The following SREBF2 variants were observed in gnomAD, a reference collection of about 807,000 sequenced individuals.
The protein encoded by SREBF2 is sterol regulatory element binding transcription factor 2.
Under a neutral mutation model 113.1 loss-of-function variants are expected in SREBF2, and 55 were observed. The observed-to-expected ratio is 0.49, with a 90% confidence interval of 0.39 to 0.61. SREBF2 has a LOEUF of 0.61. Among genes scored for constraint, SREBF2 ranks in the 20% least tolerant of loss-of-function variants. The pLI is 0.00. For synonymous variants in SREBF2, 593 were observed against 605.7 expected (o/e 0.98, Z 0.31); for missense variants, 1,349 against 1,487.4 (o/e 0.91, Z 1.53).
chr22:41,880,672 C>G (rs753833467), intron 9 of SREBF2, 44 bp from the exon 10 acceptor site: 35 of 1,613,612 alleles, frequency 2.2e-5, no homozygotes, highest in Non-Finnish European at 2.9e-5. Flanking sequence ...AACAAAAAGC[C>G]GGAGCAAGGC....
At chr22:41,860,630 G>T (rs2148367179) in intron 1 of SREBF2, among the ~76,000 whole-genome samples, 1 of 152,328 alleles carries the variant, frequency 6.6e-6, no homozygotes, top group East Asian at 1.9e-4. Context: ...TGTAATCCCA[G>T]CACTTTGGGA....
chr22:41,899,190 G>C, intron 15 of SREBF2: 1 of 1,127,082 alleles, frequency 8.9e-7, no homozygotes, highest in Non-Finnish European at 1.1e-6. Flanking sequence ...ATGTGCACTG[G>C]AGCATCTTGC....
intron 10 of SREBF2, among the ~76,000 whole-genome samples, chr22:41,882,683 A>G (rs550821668): frequency 6.6e-6 from 1 of 152,302 alleles, no homozygotes; most frequent in East Asian, 1.9e-4. Flanking sequence ...GCACGTGCCT[A>G]TAATCCCAGT....
chr22:41,870,787 A>G, intron 3 of SREBF2, 102 bp from the exon 4 acceptor site: 2 of 1,459,430 alleles, frequency 1.4e-6, no homozygotes, highest in Non-Finnish European at 1.9e-6. Context: ...TAAAAATTAT[A>G]TCATTTCTCA....
At chr22:41,840,430 T>G (rs1407495745) in intron 1 of SREBF2, among the ~76,000 whole-genome samples, 4 of 144,824 alleles carry the variant, frequency 2.8e-5, no homozygotes, top group African/African-American at 8.0e-5. Flanking sequence ...TTGGGGGCAA[T>G]GTTGAAGCTC....
intron 1 of SREBF2, among the ~76,000 whole-genome samples, chr22:41,841,304 G>T (rs1221935100): frequency 6.6e-6 from 1 of 152,236 alleles, no homozygotes; most frequent in Non-Finnish European, 1.5e-5. Flanking sequence ...GGTATGTTTT[G>T]ACACTGGAGT....
chr22:41,870,594 C>G (rs1444694544), intron 3 of SREBF2, among the ~76,000 whole-genome samples: 1 of 146,504 alleles, frequency 6.8e-6, no homozygotes, highest in African/African-American at 2.6e-5. Flanking sequence ...CCACTGCACT[C>G]CAGCCTGGGC....
chr22:41,875,259 C>T (rs2077184008), intron 5 of SREBF2, 78 bp from the exon 6 acceptor site: 1 of 1,232,620 alleles, frequency 8.1e-7, no homozygotes, highest in African/African-American at 1.5e-5. Context: ...TGCTGTCATC[C>T]CAAGTGCTAG....
intron 16 of SREBF2, chr22:41,900,937 C>T (rs1295801226): frequency 1.9e-6 from 1 of 536,016 alleles, no homozygotes; most frequent in South Asian, 1.4e-5. Flanking sequence ...TACCTCCTGG[C>T]GGGCAGCTGT....
intron 9 of SREBF2, chr22:41,878,754 C>T (rs1569397993): frequency 7.7e-7 from 1 of 1,303,966 alleles, no homozygotes; most frequent in Admixed American, 2.3e-5. Context: ...CACTCCTCAG[C>T]AGCAGTGAGC....
rs188401468 is a variant in SREBF2, at chr22:41,880,639, G to T, written c.1762-77G>T. ...CTAATTCCTCTGATAATTGGGGGCA[G>T]GGGGAGTAGAAGTCTATATCAAAAC... On this transcript the variant is annotated intron_variant, in intron 9 of 18. Coordinates refer to ENST00000361204, the MANE Select transcript of SREBF2 (RefSeq NM_004599.4). 38 of 1,571,578 alleles carry T rather than the reference G, an allele frequency of 2.4e-5. No homozygotes were observed. In the East Asian group the frequency reaches 8.5e-4, roughly 35 times the overall value.
At position 41,833,241 on chromosome 22, in the gene SREBF2, G is replaced by A. The variant is rs1410637889; in HGVS notation, c.-30G>A. ...CCCCCGCGTCTCCCTGAGCGGGACGGCAGGGGGGGCTTCTGCGCTGAGCCG... is the reference window on the plus strand; with the variant it reads ...CCCCCGCGTCTCCCTGAGCGGGACGACAGGGGGGGCTTCTGCGCTGAGCCG... On this transcript the variant is annotated 5_prime_UTR_variant, in exon 1 of 19. Transcript: ENST00000361204. This position sits in a 1 kb window ranked among gnomAD's most constrained non-coding sequence, Gnocchi z 4.1. The A allele has an allele frequency of 1.3e-5, 19 of 1,508,500 alleles. No homozygotes were observed. The highest frequency in any genetic ancestry group is 4.2e-5 in the Admixed American group (2 of 47,922). 93.4% of individuals were successfully genotyped at this position (1,508,500 alleles called of 1,614,324 possible). A position where few individuals can be genotyped will look rare whatever the true frequency, so the allele number is the denominator to read the frequency against.
intron 1 of SREBF2, among the ~76,000 whole-genome samples, chr22:41,849,505 T>A (rs1286467898): frequency 6.6e-6 from 1 of 152,136 alleles, no homozygotes; most frequent in African/African-American, 2.4e-5. Flanking sequence ...CAACAGATGT[T>A]TTTACAGAGG....
At chr22:41,894,572 A>G (rs2077394540) in intron 12 of SREBF2, among the ~76,000 whole-genome samples, 1 of 152,112 alleles carries the variant, frequency 6.6e-6, no homozygotes, top group African/African-American at 2.4e-5. Context: ...GCCAGGAGAC[A>G]CAGCACCCTC....
intron 1 of SREBF2, among the ~76,000 whole-genome samples, chr22:41,856,953 G>A (rs1323381037): frequency 6.6e-6 from 1 of 151,766 alleles, no homozygotes; most frequent in Admixed American, 6.6e-5. Flanking sequence ...TGTAATCCCG[G>A]CTACATGGGA....
intron 4 of SREBF2, among the ~76,000 whole-genome samples, chr22:41,871,318 T>A (rs2077138952): frequency 1.3e-5 from 2 of 152,130 alleles, no homozygotes; most frequent in Admixed American, 6.5e-5. Context: ...ATTCACCTCT[T>A]AGATCCTGCT....
chr22:41,857,568 C>G (rs1384059028), intron 1 of SREBF2, among the ~76,000 whole-genome samples: 1 of 152,122 alleles, frequency 6.6e-6, no homozygotes, highest in Non-Finnish European at 1.5e-5. Context: ...TATTACAAAA[C>G]AAGCATTTGA....
chr22:41,865,222 G>A (rs955330928), intron 1 of SREBF2, among the ~76,000 whole-genome samples: 2 of 151,940 alleles, frequency 1.3e-5, no homozygotes, highest in Non-Finnish European at 2.9e-5. Flanking sequence ...GAATGGAGAT[G>A]GTTCCTTTTA....
intron 11 of SREBF2, among the ~76,000 whole-genome samples, chr22:41,889,496 G>GA (rs1053420356): frequency 2.6e-5 from 4 of 152,034 alleles, no homozygotes; most frequent in African/African-American, 7.2e-5. Context: ...GTGGTCATTT[G>GA]AAAAAATCAT....
Sources: allele counts gnomAD v4.1 joint callset (sites outside exome capture counted in the v4.1 genomes callset), GRCh38; gene constraint gnomAD v4.1.1; non-coding constraint Gnocchi (gnomAD v3.1); transcripts MANE v1.5; gene names NCBI Gene and HGNC (gene_info 2026-07-23, HGNC 2026-07-21).